ACSF2: variants seen among roughly 807,000 people sequenced by gnomAD.
ACSF2 encodes medium-chain acyl-CoA ligase ACSF2, mitochondrial.
Under a neutral mutation model 79.3 loss-of-function variants are expected in ACSF2, and 52 were observed. The observed-to-expected ratio is 0.66, with a 90% confidence interval of 0.53 to 0.83. ACSF2 has a LOEUF of 0.83. Among genes scored for constraint, ACSF2 ranks in the 40% least tolerant of loss-of-function variants. The pLI, the probability that ACSF2 is intolerant of heterozygous loss-of-function variation, is 0.00. For synonymous variants in ACSF2, 283 were observed against 312.6 expected, an observed-to-expected ratio of 0.91 and a Z score of 1.00; for missense variants, 661 against 803.3, an observed-to-expected ratio of 0.82 and a Z score of 2.14.
chr17:50,473,830 C>T, intron 13 of ACSF2, 24 bp downstream of exon 13: 1 of 1,613,544 alleles, frequency 6.2e-7, no homozygotes, highest in Non-Finnish European at 8.5e-7. Context: ...CTCAGGTGAG[C>T]CCCCAGAAAC....
chr17:50,426,485 A>G (rs1397856416), intron 1 of ACSF2, 96 bp downstream of exon 1: 2 of 1,253,178 alleles, frequency 1.6e-6, no homozygotes, highest in East Asian at 3.2e-5. Flanking sequence ...CCTCTGGACG[A>G]GTGCACTGGG....
chr17:50,432,522 G>A (rs1014401133), intron 1 of ACSF2, among the ~76,000 whole-genome samples: 1 of 152,158 alleles, frequency 6.6e-6, no homozygotes, highest in African/African-American at 2.4e-5. Flanking sequence ...GCTGAAGATG[G>A]GAATAAAGCT....
At chr17:50,448,363 T>C (rs1357767174) in intron 1 of ACSF2, among the ~76,000 whole-genome samples, 1 of 152,238 alleles carries the variant, frequency 6.6e-6, no homozygotes, top group Non-Finnish European at 1.5e-5. Flanking sequence ...TTGCAGTGCA[T>C]GACTGTATTT....
rs118032385 is a variant in ACSF2, at chr17:50,453,670, T to C, written c.129-7007T>C. ...ACTATAGTTTTGCAAGATGTTAACA[T>C]TGGGAAAATTTGAATATTGATGCTG... On this transcript the variant is annotated intron_variant, in intron 1 of 15. Coordinates refer to ENST00000300441, the MANE Select transcript of ACSF2 (RefSeq NM_025149.6). 5.6e-3 allele frequency among the ~76,000 whole-genome samples: 850 copies of C among 152,294 alleles called. 8 individuals are homozygous for C. Among genetic ancestry groups the C allele is most frequent in the Non-Finnish European group, 9.2e-3 (623 of 68,032 alleles).
At chr17:50,452,334 G>A (rs1483201766) in intron 1 of ACSF2, among the ~76,000 whole-genome samples, 1 of 151,954 alleles carries the variant, frequency 6.6e-6, no homozygotes, top group East Asian at 1.9e-4. Context: ...TTTAAGAATA[G>A]AAGTTGGGGC....
At chr17:50,461,562 TG>T in intron 3 of ACSF2, 70 bp from the exon 4 acceptor site, 1 of 1,606,892 alleles carries the variant, frequency 6.2e-7, no homozygotes, top group African/African-American at 1.3e-5. Context: ...CTATGCCTCC[TG>T]GGGGCGGAGG....
At chr17:50,458,596 T>G (rs952256911) in intron 1 of ACSF2, among the ~76,000 whole-genome samples, 1 of 152,236 alleles carries the variant, frequency 6.6e-6, no homozygotes, top group Non-Finnish European at 1.5e-5. Flanking sequence ...CATTCATCAT[T>G]ACCAAGGTTG....
intron 10 of ACSF2, 92 bp from the exon 11 acceptor site, chr17:50,470,936 T>C: frequency 1.0e-6 from 1 of 977,232 alleles, no homozygotes; most frequent in Non-Finnish European, 1.6e-6. Flanking sequence ...TTCCCTTTTC[T>C]TTTATGAATT....
chr17:50,462,093 C>A, intron 4 of ACSF2, 91 bp from the exon 5 acceptor site: 1 of 1,081,396 alleles, frequency 9.2e-7, no homozygotes, highest in Non-Finnish European at 1.4e-6. Context: ...GCGGGTGCAT[C>A]TGTATGAGAG....
At chr17:50,441,246 T>C (rs947791898) in intron 1 of ACSF2, among the ~76,000 whole-genome samples, 6 of 152,244 alleles carry the variant, frequency 3.9e-5, no homozygotes, top group Admixed American at 2.6e-4. Context: ...GTCGGCTCAC[T>C]GCAGCCTTGA....
At chr17:50,427,920 G>A (rs115659256) in intron 1 of ACSF2, among the ~76,000 whole-genome samples, 1 of 152,176 alleles carries the variant, frequency 6.6e-6, no homozygotes, top group Non-Finnish European at 1.5e-5. Flanking sequence ...ATGATTTTCT[G>A]AGTGTTTGGC....
chr17:50,453,771 G>A (rs1210272705), intron 1 of ACSF2, among the ~76,000 whole-genome samples: 1 of 151,884 alleles, frequency 6.6e-6, no homozygotes, highest in Non-Finnish European at 1.5e-5. Flanking sequence ...TTGTGTGTGT[G>A]TGTGTGTGCT....
At chr17:50,452,896 T>C (rs573468911) in intron 1 of ACSF2, among the ~76,000 whole-genome samples, 1 of 152,316 alleles carries the variant, frequency 6.6e-6, no homozygotes, top group Admixed American at 6.5e-5. Flanking sequence ...AACCCTGCCC[T>C]ACCCTGGTCC....
intron 1 of ACSF2, among the ~76,000 whole-genome samples, chr17:50,448,059 C>T (rs998458347): frequency 6.6e-6 from 1 of 152,218 alleles, no homozygotes; most frequent in Non-Finnish European, 1.5e-5. Flanking sequence ...ACAACGGGAA[C>T]ACATTCTGAG....
At chr17:50,469,068 A>G (rs2032961389) in intron 10 of ACSF2, 1 of 1,260,364 alleles carries the variant, frequency 7.9e-7, no homozygotes, top group Non-Finnish European at 1.0e-6. Context: ...AGGGGGTGGG[A>G]CCGTGGCCCC....
At position 50,429,531 on chromosome 17, in the gene ACSF2, TA is replaced by T. The variant is rs200100813; in HGVS notation, c.128+3143del. Among the ~76,000 whole-genome samples the T allele has an allele frequency of 3.5e-3, 521 of 150,038 alleles. 4 individuals are homozygous for T. Among genetic ancestry groups the T allele is most frequent in the African/African-American group, 9.6e-3 (395 of 40,952 alleles). Reference sequence around the variant, plus strand: ...AGTCTTTCTCTTTTTCTTTTTTTTTTATTTGAGGTGGAATTTCGCTCTTGTT... The same window carrying T: ...AGTCTTTCTCTTTTTCTTTTTTTTTTTTTGAGGTGGAATTTCGCTCTTGTT... On this transcript the variant is annotated intron_variant, in intron 1 of 15. Coordinates refer to ENST00000300441, the MANE Select transcript of ACSF2 (RefSeq NM_025149.6).
chr17:50,426,836 T>A (rs1915040655), intron 1 of ACSF2: 1 of 1,465,118 alleles, frequency 6.8e-7, no homozygotes, highest in Non-Finnish European at 9.2e-7. Flanking sequence ...TGTCTCCTCA[T>A]CAGCTGCTCA....
At chr17:50,462,355 T>C in intron 5 of ACSF2, 53 bp downstream of exon 5, 1 of 1,612,106 alleles carries the variant, frequency 6.2e-7, no homozygotes, top group Non-Finnish European at 8.5e-7. Context: ...CCCTGATTCC[T>C]TCACTTCCTA....
chr17:50,462,167 G>C lies in ACSF2; in HGVS notation c.508-17G>C. 6.2e-7 allele frequency: 1 copy of C among 1,611,498 alleles called. No individual in the cohort carries two copies. Among genetic ancestry groups the C allele is most frequent in the Middle Eastern group, 1.7e-4 (1 of 6,054 alleles). ...GGGCTCCCCGCTGACTGGAGGTGGG[G>C]GACTCCCCTTCCACAGGTGGGCTGC... is the stretch of plus-strand genomic sequence containing the variant. On this transcript the variant is annotated splice_polypyrimidine_tract_variant and intron_variant, in intron 4 of 15. Coordinates refer to ENST00000300441, the MANE Select transcript of ACSF2 (RefSeq NM_025149.6).
Sources: allele counts gnomAD v4.1 joint callset (sites outside exome capture counted in the v4.1 genomes callset), GRCh38; gene constraint gnomAD v4.1.1; transcripts MANE v1.5; gene names NCBI Gene and HGNC (gene_info 2026-07-23, HGNC 2026-07-21).